DCTN5: variants seen among roughly 807,000 people sequenced by gnomAD.
DCTN5 encodes dynactin subunit 5.
In DCTN5, 14 loss-of-function variants were observed where a neutral mutation model predicts 23.5. The observed-to-expected ratio is 0.60, with a 90% CI of 0.39 to 0.93. The LOEUF (loss-of-function observed/expected upper bound fraction) is 0.93, where lower values mean the gene tolerates loss of function less well. Ranked by LOEUF, DCTN5 falls within the 40% of genes least tolerant of loss-of-function variation. The probability of loss-of-function intolerance (pLI) is 0.00; values close to 1 mark genes in which losing one functional copy is unlikely to be tolerated. For synonymous variants in DCTN5, 67 were observed against 79.6 expected (o/e 0.84, Z 0.84); for missense variants, 156 against 225.9 (o/e 0.69, Z 1.98).
chr16:23,645,130 TATATATA>T (rs1213584290), intron 2 of DCTN5, among the ~76,000 whole-genome samples: 72 of 36,978 alleles, frequency 1.9e-3, no homozygotes, highest in Non-Finnish European at 2.4e-3. Context: ...TATATATATA[TATATATA>T]TTTTTTTTTT....
At chr16:23,642,088 C>T (rs1045939704) in intron 1 of DCTN5, among the ~76,000 whole-genome samples, 1 of 151,906 alleles carries the variant, frequency 6.6e-6, no homozygotes, top group African/African-American at 2.4e-5. Flanking sequence ...CCCGCCACCA[C>T]GCCCGGCTAA....
intron 2 of DCTN5, among the ~76,000 whole-genome samples, chr16:23,644,103 A>G (rs894440440): frequency 6.6e-6 from 1 of 151,908 alleles, no homozygotes; most frequent in Non-Finnish European, 1.5e-5. Flanking sequence ...TAATTCAGTA[A>G]TTGCTGCTCA....
intron 2 of DCTN5, among the ~76,000 whole-genome samples, chr16:23,653,620 A>G (rs1217437509): frequency 2.0e-5 from 3 of 152,254 alleles, no homozygotes; most frequent in African/African-American, 7.2e-5. Flanking sequence ...CCTAACCAGT[A>G]CCATTCAGGA....
intron 4 of DCTN5, among the ~76,000 whole-genome samples, chr16:23,665,404 C>T (rs1451894081): frequency 6.6e-6 from 1 of 152,208 alleles, no homozygotes; most frequent in Non-Finnish European, 1.5e-5. Flanking sequence ...GACAGTTTGT[C>T]CTGCCTCTAG....
At chr16:23,647,050 T>C (rs1047149140) in intron 2 of DCTN5, among the ~76,000 whole-genome samples, 8 of 152,204 alleles carry the variant, frequency 5.3e-5, no homozygotes, top group Non-Finnish European at 1.2e-4. Context: ...TTGTGAACTC[T>C]CAATTCTATT....
rs1597123161 is a variant in DCTN5, at chr16:23,661,334, A to G, written c.348+53A>G. On this transcript the variant is annotated intron_variant, in intron 4 of 5. Transcript: ENST00000300087. ...CAGCTTCACTTTCCCTTCAGCTCCC[A>G]TCCCTCACTTCGGTGGGACCCTGTT... The G allele has an allele frequency of 2.3e-6, 3 of 1,305,376 alleles. No homozygotes were observed. The Admixed American group carries it at 5.2e-5, about 23-fold the overall frequency. The allele number at this position is 1,305,376 out of a possible 1,614,324, so 80.9% of individuals were successfully genotyped here.
chr16:23,664,887 A>G (rs1280230937), intron 4 of DCTN5, among the ~76,000 whole-genome samples: 1 of 152,218 alleles, frequency 6.6e-6, no homozygotes, highest in Non-Finnish European at 1.5e-5. Flanking sequence ...GTGGATGTGG[A>G]GTGGAATGGG....
At position 23,669,433 on chromosome 16, in the gene DCTN5, T is replaced by G. The variant is rs555108808; in HGVS notation, c.*2289T>G. 6.6e-6 allele frequency: 1 copy of G among 152,402 alleles called. No individual in the cohort carries two copies. The highest frequency in any genetic ancestry group is 2.1e-4 in the South Asian group (1 of 4,826). 9.4% of individuals were successfully genotyped at this position (152,402 alleles called of 1,614,324 possible). ...AGTTATTGATAAAAAGAGCTCCCCT[T>G]TGCTGACAGAACTGCTGGATTTGGT... On this transcript the variant is annotated 3_prime_UTR_variant, in exon 6 of 6. Transcript: ENST00000300087.
rs999714059 is a variant in DCTN5, at chr16:23,676,210, T to A, written c.*9066T>A. 3.5e-5 allele frequency: 5 copies of A among 141,434 alleles called. No homozygotes were observed. The highest frequency in any genetic ancestry group is 1.3e-4 in the African/African-American group (5 of 38,122). The allele number at this position is 141,434 out of a possible 1,614,324, so 8.8% of individuals were successfully genotyped here. Reference sequence around the variant, plus strand: ...GTCAGGTTGAAAAAAAAAAAAAAGGTTCAGACAGCAATTAAGGGCTGGGCA... The same window carrying A: ...GTCAGGTTGAAAAAAAAAAAAAAGGATCAGACAGCAATTAAGGGCTGGGCA... On this transcript the variant is annotated 3_prime_UTR_variant, in exon 6 of 6. Coordinates refer to ENST00000300087, the MANE Select transcript of DCTN5 (RefSeq NM_032486.4).
intron 2 of DCTN5, among the ~76,000 whole-genome samples, chr16:23,649,888 A>G (rs523422): frequency 0.29 from 43,588 of 150,976 alleles, 6,341 homozygotes; most frequent in East Asian, 0.44. Context: ...TTTTGTGTAC[A>G]GTGACAGGTG....
intron 2 of DCTN5, among the ~76,000 whole-genome samples, chr16:23,645,380 C>T (rs1967436826): frequency 6.6e-6 from 1 of 151,724 alleles, no homozygotes; most frequent in Non-Finnish European, 1.5e-5. Context: ...CCTCCTTGGC[C>T]TTCCAAAGTG....
chr16:23,660,542 G>A (rs1967790610), intron 3 of DCTN5, among the ~76,000 whole-genome samples: 1 of 152,212 alleles, frequency 6.6e-6, no homozygotes, highest in Admixed American at 6.5e-5. Flanking sequence ...CATGGACTAG[G>A]TAAGGTCTCC....
At position 23,645,116 on chromosome 16, in the gene DCTN5, TATATATATATATATATATA is replaced by T. The variant is rs1169506130; in HGVS notation, c.117+2094_117+2112del. On this transcript the variant is annotated intron_variant, in intron 2 of 5. Transcript: ENST00000300087. ...ATATATATATATATATATATATATA[TATATATATATATATATATA>T]TATTTTTTTTTTTTTTAATACGCAG... Among the ~76,000 whole-genome samples, 257 of 41,724 alleles carry T rather than the reference TATATATATATATATATATA, an allele frequency of 6.2e-3. 15 individuals carry two copies. Among genetic ancestry groups the T allele is most frequent in the African/African-American group, 0.015 (156 of 10,274 alleles). The allele number at this position is 41,724 out of a possible 152,430, so 27.4% of individuals were successfully genotyped here.
intron 2 of DCTN5, chr16:23,651,145 C>T (rs1967596672): frequency 9.8e-6 from 12 of 1,228,874 alleles, no homozygotes; most frequent in Non-Finnish European, 1.2e-5. Flanking sequence ...ATGAGCCAAA[C>T]AATACAGGTT....
At chr16:23,650,703 A>G in intron 2 of DCTN5, 1 of 1,482,354 alleles carries the variant, frequency 6.7e-7, no homozygotes, top group Non-Finnish European at 9.1e-7. Flanking sequence ...CTTTGTTTCT[A>G]GTTTTTTGCT....
chr16:23,650,724 A>ACTAATGTTTGCATTTATATT, intron 2 of DCTN5: 2 of 1,529,690 alleles, frequency 1.3e-6, no homozygotes, highest in Non-Finnish European at 1.8e-6. Flanking sequence ...GTTATGAACA[A>ACTAATGTTTGCATTTATATT]TCCATTTATA....
rs1967976590 is a variant in DCTN5 at position 23,669,896 on chromosome 16, A to G, written c.*2752A>G. 1 of 151,578 alleles carries G rather than the reference A, an allele frequency of 6.6e-6. No individual in the cohort carries two copies. Among genetic ancestry groups the G allele is most frequent in the African/African-American group, 2.4e-5 (1 of 41,202 alleles). The allele number at this position is 151,578 out of a possible 1,614,324, so 9.4% of individuals were successfully genotyped here. ...GGAACTGCTTCCTTTTTGTTTTATT[A>G]TTTTTCCCCAGATGAGCTGACTGGG... On this transcript the variant is annotated 3_prime_UTR_variant, in exon 6 of 6. Transcript: ENST00000300087.
In DCTN5 at chr16:23,672,633, G is replaced by C. The variant is rs1306387714; in HGVS notation, c.*5489G>C. 6.6e-6 allele frequency: 1 copy of C among 152,240 alleles called. No individual in the cohort carries two copies. Among genetic ancestry groups the C allele is most frequent in the South Asian group, 2.1e-4 (1 of 4,832 alleles). 9.4% of individuals were successfully genotyped at this position (152,240 alleles called of 1,614,324 possible). On this transcript the variant is annotated 3_prime_UTR_variant, in exon 6 of 6. Transcript: ENST00000300087. ...GTTGGGAGTCAGCAGAGTTGGGTTG[G>C]AATTCAAGCTTTGCCACCTGCTGGC...
At chr16:23,642,771 G>GCCA in intron 1 of DCTN5, 184 bp from the exon 2 acceptor site, 1 of 591,600 alleles carries the variant, frequency 1.7e-6, no homozygotes, top group Non-Finnish European at 3.0e-6. Flanking sequence ...ACAGGCATGA[G>GCCA]CCACCATACT....
Sources: gnomAD v4.1 joint callset for allele counts (sites outside exome capture counted in the v4.1 genomes callset) on GRCh38, gnomAD v4.1.1 for gene constraint, MANE v1.5 for transcripts, NCBI Gene and HGNC (gene_info 2026-07-23, HGNC 2026-07-21) for gene names.